PPIP5K2: variants seen among roughly 807,000 people sequenced by gnomAD.
PPIP5K2 encodes the protein inositol hexakisphosphate and diphosphoinositol-pentakisphosphate kinase 2.
A neutral mutation model predicts 154.6 loss-of-function variants in PPIP5K2; 105 were observed. The ratio of observed to expected loss-of-function variants is 0.68; its 90% confidence interval spans 0.58 to 0.80. The LOEUF (loss-of-function observed/expected upper bound fraction) is 0.80, where lower values mean the gene tolerates loss of function less well. Ranked by LOEUF, PPIP5K2 falls within the 30% of genes least tolerant of loss-of-function variation. PPIP5K2 has a pLI of 0.00. For synonymous variants in PPIP5K2, 480 were observed against 490.3 expected (o/e 0.98, Z 0.28); for missense variants, 992 against 1,504.6 (o/e 0.66, Z 5.64).
intron 3 of PPIP5K2, among the ~76,000 whole-genome samples, 167 bp downstream of exon 3, chr5:103,133,815 G>C (rs1554203437): frequency 6.6e-6 from 1 of 152,042 alleles, no homozygotes; most frequent in African/African-American, 2.4e-5. Flanking sequence ...TGTCTTCTAT[G>C]TGTATTATCA....
At chr5:103,189,227 G>A in intron 28 of PPIP5K2, 1 of 1,520,802 alleles carries the variant, frequency 6.6e-7, no homozygotes, top group South Asian at 1.2e-5. Flanking sequence ...GGCTCCAGTG[G>A]TATGTTTTTA....
At chr5:103,185,985 C>T (rs1554224828) in intron 26 of PPIP5K2, among the ~76,000 whole-genome samples, 1 of 150,816 alleles carries the variant, frequency 6.6e-6, no homozygotes, top group Non-Finnish European at 1.5e-5. Context: ...TAACAGAGTC[C>T]TTTCTTGTCC....
chr5:103,189,307 G>T, intron 28 of PPIP5K2: 1 of 1,147,822 alleles, frequency 8.7e-7, no homozygotes, highest in South Asian at 1.4e-5. Context: ...TGCATTAAAG[G>T]AAAAGTTTAT....
intron 7 of PPIP5K2, 59 bp downstream of exon 7, chr5:103,148,091 A>G (rs1348127939): frequency 8.4e-7 from 1 of 1,183,998 alleles, no homozygotes; most frequent in African/African-American, 1.5e-5. Flanking sequence ...TGATATCAGA[A>G]AAAGTAGTTA....
intron 27 of PPIP5K2, among the ~76,000 whole-genome samples, chr5:103,186,838 T>G (rs1220695277): frequency 3.9e-5 from 6 of 152,186 alleles, no homozygotes; most frequent in African/African-American, 1.4e-4. Context: ...CAATATCATA[T>G]TGGCAATATT....
intron 8 of PPIP5K2, among the ~76,000 whole-genome samples, chr5:103,151,010 G>A (rs1041689272): frequency 4.0e-5 from 6 of 151,426 alleles, no homozygotes; most frequent in Non-Finnish European, 5.9e-5. Context: ...CCCCTTATGC[G>A]TTATTGTTGT....
At chr5:103,164,994 G>T (rs530717852) in intron 17 of PPIP5K2, among the ~76,000 whole-genome samples, 1 of 152,014 alleles carries the variant, frequency 6.6e-6, no homozygotes, top group Admixed American at 6.6e-5. Flanking sequence ...CTAGTGGTTT[G>T]ATCTTAAGCA....
intron 6 of PPIP5K2, among the ~76,000 whole-genome samples, chr5:103,147,467 G>T (rs530345154): frequency 1.3e-5 from 2 of 152,030 alleles, no homozygotes; most frequent in African/African-American, 4.8e-5. Flanking sequence ...TTAATGAGCA[G>T]TTCCACTTTT....
At chr5:103,157,694 T>A (rs1795630770) in intron 14 of PPIP5K2, among the ~76,000 whole-genome samples, 1 of 145,520 alleles carries the variant, frequency 6.9e-6, no homozygotes, top group Non-Finnish European at 1.5e-5. Flanking sequence ...CAAGCGAGAC[T>A]CTGTCTCAAA....
chr5:103,158,424 C>G (rs1795741890), intron 15 of PPIP5K2, 28 bp from the exon 16 acceptor site: 2 of 1,595,558 alleles, frequency 1.3e-6, no homozygotes, highest in South Asian at 1.2e-5. Context: ...GAAAATATAG[C>G]TGAAGTGATT....
Position 103,186,350 on chromosome 5 carries a change from C to G in PPIP5K2, c.3200C>G (p.Ser1067Trp), listed in dbSNP as rs781841605. 3 of 1,613,808 alleles carry G rather than the reference C, an allele frequency of 1.9e-6. No homozygotes were observed. The South Asian group carries it at 3.3e-5, about 18-fold the overall frequency. Residue 1067 changes from serine to tryptophan, a missense_variant, in exon 27 of 31, where the codon TCG becomes TGG. Physicochemically the swap from Ser to Trp is radical, Grantham distance 177 (BLOSUM62 -3). Coordinates refer to ENST00000358359, the MANE Select transcript of PPIP5K2 (RefSeq NM_001276277.3). The stretch of plus-strand genomic sequence containing the variant: ...CACTGTGCGGGCCTGTTTAGCACCT[C>G]GGTGCTCGGGGGTTCTTCAAGCGCA... Reference protein sequence around the residue: ...GSHCAGLFSTSVLGGSSSAPN... With the variant: ...GSHCAGLFSTWVLGGSSSAPN...
intron 7 of PPIP5K2, chr5:103,148,363 G>A: frequency 3.8e-6 from 1 of 266,354 alleles, no homozygotes; most frequent in Non-Finnish European, 7.4e-6. Flanking sequence ...AGGGATAAAG[G>A]TCTAATAACC....
At chr5:103,147,857 C>T (rs1211977888) in intron 6 of PPIP5K2, 74 bp from the exon 7 acceptor site, 1 of 863,294 alleles carries the variant, frequency 1.2e-6, no homozygotes, top group Non-Finnish European at 1.8e-6. Context: ...GGTAAATAAA[C>T]TATTTGTCAT....
intron 19 of PPIP5K2, among the ~76,000 whole-genome samples, chr5:103,169,590 T>C (rs1205117519): frequency 1.3e-5 from 2 of 151,748 alleles, no homozygotes; most frequent in African/African-American, 4.8e-5. Context: ...ACTATATATT[T>C]GATCAGATAT....
intron 6 of PPIP5K2, 74 bp downstream of exon 6, chr5:103,146,755 T>C: frequency 1.6e-6 from 2 of 1,276,400 alleles, no homozygotes; most frequent in South Asian, 3.2e-5. Context: ...CAATCAAGCA[T>C]TTAATTACCG....
At chr5:103,159,069 G>T in intron 16 of PPIP5K2, 77 bp from the exon 17 acceptor site, 1 of 1,006,378 alleles carries the variant, frequency 9.9e-7, no homozygotes, top group Non-Finnish European at 1.4e-6. Context: ...TATACTTTAT[G>T]AAAATCAGTA....
Position 103,206,190 on chromosome 5 carries a change from C to T in PPIP5K2, c.*4556C>T, listed in dbSNP as rs1803505051. The T allele has an allele frequency of 6.6e-6, 1 of 152,172 alleles. No individual in the cohort carries two copies. The highest frequency in any genetic ancestry group is 2.1e-4 in the South Asian group (1 of 4,832). 9.4% of individuals were successfully genotyped at this position (152,172 alleles called of 1,614,324 possible). On this transcript the variant is annotated 3_prime_UTR_variant, in exon 31 of 31. Coordinates refer to ENST00000358359, the MANE Select transcript of PPIP5K2 (RefSeq NM_001276277.3). ...CCAAAGGTGGGGTTGGCTTCAGCCA[C>T]AGTTGCATTAGCCATATTGTCATCA...
intron 21 of PPIP5K2, among the ~76,000 whole-genome samples, chr5:103,174,538 G>T (rs1798421234): frequency 6.6e-6 from 1 of 152,014 alleles, no homozygotes; most frequent in Admixed American, 6.6e-5. Flanking sequence ...TTGGCTGTCA[G>T]CTGGGACCTC....
chr5:103,140,799 A>T (rs542924288), intron 5 of PPIP5K2, among the ~76,000 whole-genome samples: 1 of 149,208 alleles, frequency 6.7e-6, no homozygotes, highest in African/African-American at 2.5e-5. Flanking sequence ...ATCGCGCCAC[A>T]GCACTCCCGC....
Sources: gnomAD v4.1 joint callset for allele counts (sites outside exome capture counted in the v4.1 genomes callset) on GRCh38, gnomAD v4.1.1 for gene constraint, MANE v1.5 for transcripts, NCBI Gene and HGNC (gene_info 2026-07-23, HGNC 2026-07-21) for gene names.